CUBN: variants seen among roughly 807,000 people sequenced by gnomAD.
CUBN encodes cubilin, also known as 460 kDa receptor.
In CUBN, 282 loss-of-function variants were observed where a neutral mutation model predicts 405.3. That is an observed-to-expected ratio of 0.70 (90% CI 0.63 to 0.77). CUBN has a LOEUF of 0.77. Among genes scored for constraint, CUBN ranks in the 30% least tolerant of loss-of-function variants. CUBN has a pLI of 0.00. For missense variants in CUBN, 4,514 were observed against 4,475.2 expected (o/e 1.01, Z -0.25); for synonymous variants, 1,684 against 1,617.0 (o/e 1.04, Z -0.99).
intron 22 of CUBN, among the ~76,000 whole-genome samples, chr10:17,063,520 T>C (rs1302982867): frequency 3.3e-5 from 5 of 152,226 alleles, no homozygotes; most frequent in African/African-American, 4.8e-5. Context: ...TATAGTTTCC[T>C]TTCCTGTCCA....
intron 56 of CUBN, among the ~76,000 whole-genome samples, chr10:16,887,046 C>T (rs2131393920): frequency 6.6e-6 from 1 of 152,318 alleles, no homozygotes; most frequent in East Asian, 1.9e-4. Flanking sequence ...CCTTGGCCTC[C>T]CAAAGTGCTG....
chr10:16,960,777 G>A (rs1843197257), intron 31 of CUBN, among the ~76,000 whole-genome samples: 1 of 152,148 alleles, frequency 6.6e-6, no homozygotes, highest in Non-Finnish European at 1.5e-5. Context: ...CAGGGGGACG[G>A]AGGTCAGCTC....
intron 59 of CUBN, among the ~76,000 whole-genome samples, chr10:16,857,095 A>G (rs1326474573): frequency 1.3e-5 from 2 of 152,236 alleles, no homozygotes. Flanking sequence ...AAAAGTAAAC[A>G]GTGTTTATTA....
intron 31 of CUBN, among the ~76,000 whole-genome samples, chr10:16,979,558 C>A (rs1372601586): frequency 6.6e-6 from 1 of 152,180 alleles, no homozygotes; most frequent in East Asian, 1.9e-4. Flanking sequence ...ACCATCTGAT[C>A]TTTAACAAAC....
chr10:16,888,423 A>T lies in CUBN; in HGVS notation c.8899T>A (p.Leu2967Ile). Residue 2967 changes from leucine to isoleucine, a missense_variant, in exon 56 of 67, where the codon TTA (leucine) becomes ATA (isoleucine). Leu to Ile is a conservative substitution (Grantham distance 5). Coordinates refer to ENST00000377833, the MANE Select transcript of CUBN (RefSeq NM_001081.4). ...TTTAAAAGAATAAACTTACCTTCTA[A>T]GTGGAAGGACACAAAAGTCAAGAGG... is the stretch of plus-strand genomic sequence containing the variant. ...VVLLTFVSFH[L>I]EARSAVTGSC... 1.2e-6 allele frequency: 2 copies of T among 1,612,590 alleles called. No individual in the cohort carries two copies. Among genetic ancestry groups the T allele is most frequent in the Non-Finnish European group, 1.7e-6 (2 of 1,178,704 alleles).
At chr10:16,930,463 G>A (rs1459212144) in intron 40 of CUBN, among the ~76,000 whole-genome samples, 1 of 152,128 alleles carries the variant, frequency 6.6e-6, no homozygotes, top group African/African-American at 2.4e-5. Context: ...AACCTCAGAT[G>A]CCCCAAAACC....
intron 43 of CUBN, among the ~76,000 whole-genome samples, chr10:16,923,669 C>G (rs1486855126): frequency 6.6e-6 from 1 of 152,182 alleles, no homozygotes; most frequent in Non-Finnish European, 1.5e-5. Context: ...CTTGCATGAA[C>G]AGTGAATCCA....
intron 22 of CUBN, among the ~76,000 whole-genome samples, chr10:17,056,636 C>T (rs1347847322): frequency 6.6e-6 from 1 of 151,822 alleles, no homozygotes; most frequent in Admixed American, 6.6e-5. Context: ...TAGAAGGATG[C>T]ACGTGGGAGA....
rs557006402 is a variant in CUBN at position 16,878,657 on chromosome 10, T to C, written c.8906-1560A>G. On this transcript the variant is annotated intron_variant, in intron 56 of 66. Coordinates refer to ENST00000377833, the MANE Select transcript of CUBN (RefSeq NM_001081.4). Reference sequence around the variant, plus strand: ...TGGCATCTGACATTCTTCCCAATTCTACATTTTCATTGCCCATAGGAAAAT... The same window carrying C: ...TGGCATCTGACATTCTTCCCAATTCCACATTTTCATTGCCCATAGGAAAAT... Among the ~76,000 whole-genome samples the C allele has an allele frequency of 8.5e-5, 13 of 152,342 alleles. No homozygotes were observed. The South Asian group carries it at 2.7e-3, about 32-fold the overall frequency.
chr10:16,995,102 A>C (rs190904771), intron 28 of CUBN, among the ~76,000 whole-genome samples: 17 of 152,350 alleles, frequency 1.1e-4, no homozygotes, highest in African/African-American at 3.4e-4. Flanking sequence ...AAAATGAAAA[A>C]GATGAAAATA....
rs566060177 is a variant in CUBN at position 16,925,687 on chromosome 10, C to T, written c.6359G>A (p.Trp2120Ter). The T allele has an allele frequency of 3.3e-5, 54 of 1,613,972 alleles. No homozygotes were observed. Among genetic ancestry groups the T allele is most frequent in the Middle Eastern group, 1.7e-4 (1 of 6,058 alleles). ...CAGGCCACTTTGGACCAGGACGTGC[C>T]AAGAACAGTTGAGGTTGGATGGGTA... ...ETYPSNLNCSWHVLVQSGLTI... is the reference protein window; with the variant it reads ...ETYPSNLNCS Residue 2120 changes from tryptophan (W) to a stop codon, truncating the protein, a stop_gained, in exon 42 of 67, where the codon TGG (tryptophan) becomes TAG (stop). Transcript: ENST00000377833. LOFTEE classifies it high-confidence loss of function.
intron 39 of CUBN, among the ~76,000 whole-genome samples, chr10:16,935,815 G>C (rs1263856404): frequency 7.1e-6 from 1 of 141,150 alleles, no homozygotes; most frequent in Non-Finnish European, 1.5e-5. Flanking sequence ...GGGAGGCGGA[G>C]CTTGCAGAGA....
At chr10:16,973,673 G>T (rs1474626711) in intron 31 of CUBN, among the ~76,000 whole-genome samples, 1 of 152,146 alleles carries the variant, frequency 6.6e-6, no homozygotes, top group Non-Finnish European at 1.5e-5. Context: ...CCTGGCGCCT[G>T]TTGTTCCCTT....
intron 40 of CUBN, among the ~76,000 whole-genome samples, chr10:16,931,515 T>C (rs1325418818): frequency 1.3e-5 from 2 of 152,232 alleles, no homozygotes; most frequent in East Asian, 1.9e-4. Flanking sequence ...TGAGTTTCTT[T>C]AGCTCTTTCA....
At chr10:16,991,037 T>A (rs546971603) in intron 28 of CUBN, among the ~76,000 whole-genome samples, 1 of 148,786 alleles carries the variant, frequency 6.7e-6, no homozygotes, top group African/African-American at 2.5e-5. Flanking sequence ...AAGTAAATTA[T>A]ATAGTTCCTA....
intron 28 of CUBN, among the ~76,000 whole-genome samples, chr10:16,996,631 A>G (rs1303363898): frequency 7.1e-6 from 1 of 140,160 alleles, no homozygotes; most frequent in Non-Finnish European, 1.6e-5. Context: ...GTTTTTAATA[A>G]GAGCTTTAAT....
At chr10:16,990,239 G>T in intron 29 of CUBN, 95 bp downstream of exon 29, 1 of 1,136,314 alleles carries the variant, frequency 8.8e-7, no homozygotes, top group Non-Finnish European at 1.3e-6. Context: ...ATAGAACACT[G>T]CTGACTACTG....
At chr10:17,044,933 A>C in intron 25 of CUBN, 74 bp downstream of exon 25, 2 of 1,425,428 alleles carry the variant, frequency 1.4e-6, no homozygotes, top group South Asian at 2.3e-5. Flanking sequence ...CTGAATCTCG[A>C]AAATAAAAAT....
intron 54 of CUBN, among the ~76,000 whole-genome samples, chr10:16,893,676 G>T (rs1158525282): frequency 6.6e-6 from 1 of 152,124 alleles, no homozygotes. Context: ...TCAGTGATTT[G>T]TCCAGATTGT....
Sources: gnomAD v4.1 joint callset for allele counts (sites outside exome capture counted in the v4.1 genomes callset) on GRCh38, gnomAD v4.1.1 for gene constraint, MANE v1.5 for transcripts, NCBI Gene and HGNC (gene_info 2026-07-23, HGNC 2026-07-21) for gene names.